The following AGBL4 variants were observed in gnomAD, a reference collection of about 807,000 sequenced individuals.
AGBL4 encodes AGBL carboxypeptidase 4.
Under a neutral mutation model 66.4 loss-of-function variants are expected in AGBL4, and 58 were observed. The observed-to-expected ratio is 0.87, with a 90% CI of 0.71 to 1.09. The LOEUF (loss-of-function observed/expected upper bound fraction) is 1.09, where lower values mean the gene tolerates loss of function less well. Among genes scored for constraint, AGBL4 ranks in the 50% least tolerant of loss-of-function variants. The pLI is 0.00. For synonymous variants in AGBL4, 234 were observed against 222.9 expected (o/e 1.05, Z -0.44); for missense variants, 579 against 631.0 (o/e 0.92, Z 0.88).
At chr1:48,599,041 A>G (rs965181696) in intron 9 of AGBL4, among the ~76,000 whole-genome samples, 1 of 151,976 alleles carries the variant, frequency 6.6e-6, no homozygotes, top group African/African-American at 2.4e-5. Context: ...AAACACAAAC[A>G]TGAGCCGAGA....
At chr1:49,125,650 A>G (rs1297249992) in intron 4 of AGBL4, among the ~76,000 whole-genome samples, 1 of 152,206 alleles carries the variant, frequency 6.6e-6, no homozygotes, top group Non-Finnish European at 1.5e-5. Context: ...CTGATTGTAC[A>G]TTATAGATTA....
intron 5 of AGBL4, among the ~76,000 whole-genome samples, chr1:48,875,049 G>A (rs1238685783): frequency 6.6e-6 from 1 of 152,144 alleles, no homozygotes; most frequent in Non-Finnish European, 1.5e-5. Context: ...TGAAGCATTT[G>A]CTATGTATGT....
chr1:49,052,828 T>TG (rs1262968304), intron 4 of AGBL4, among the ~76,000 whole-genome samples: 1 of 152,164 alleles, frequency 6.6e-6, no homozygotes, highest in African/African-American at 2.4e-5. Context: ...AGTCAGTCAG[T>TG]GCTGGGTTTT....
At chr1:48,923,001 A>G (rs1654221424) in intron 5 of AGBL4, among the ~76,000 whole-genome samples, 1 of 151,292 alleles carries the variant, frequency 6.6e-6, no homozygotes, top group South Asian at 2.1e-4. Flanking sequence ...CTTTGCATTT[A>G]AGGATAATAT....
chr1:48,569,449 G>C (rs1002020128), intron 11 of AGBL4, among the ~76,000 whole-genome samples: 1 of 152,196 alleles, frequency 6.6e-6, no homozygotes, highest in Non-Finnish European at 1.5e-5. Context: ...TACACAGGCT[G>C]TTTCTGGTAG....
intron 4 of AGBL4, among the ~76,000 whole-genome samples, chr1:49,119,865 G>C (rs1645614726): frequency 6.6e-6 from 1 of 152,178 alleles, no homozygotes; most frequent in Admixed American, 6.5e-5. Context: ...GGGTGCTCCT[G>C]TATTGGGTGC....
chr1:49,069,622 T>G (rs1644559924), intron 4 of AGBL4, among the ~76,000 whole-genome samples: 1 of 152,056 alleles, frequency 6.6e-6, no homozygotes, highest in East Asian at 1.9e-4. Context: ...CTATGCTGTT[T>G]TGGTTACTGT....
chr1:49,215,169 C>A (rs888277935), intron 4 of AGBL4, among the ~76,000 whole-genome samples: 4 of 152,060 alleles, frequency 2.6e-5, no homozygotes, highest in African/African-American at 9.7e-5. Flanking sequence ...ACTAGACAGA[C>A]AAAAATAATA....
At chr1:49,799,538 C>T (rs1374432995) in intron 2 of AGBL4, among the ~76,000 whole-genome samples, 1 of 151,908 alleles carries the variant, frequency 6.6e-6, no homozygotes, top group African/African-American at 2.4e-5. Flanking sequence ...GAGCTTTTAA[C>T]AGTTGTTTAT....
intron 11 of AGBL4, chr1:48,586,160 C>T (rs1188666870): frequency 6.6e-6 from 1 of 152,162 alleles, no homozygotes; most frequent in African/African-American, 2.4e-5. Context: ...AATCAACACT[C>T]GGGAAACTAG....
chr1:49,465,831 C>T (rs1207852259), intron 3 of AGBL4, among the ~76,000 whole-genome samples: 4 of 151,686 alleles, frequency 2.6e-5, no homozygotes, highest in African/African-American at 9.7e-5. Flanking sequence ...ATGTTTATTC[C>T]CCTCAAAACA....
intron 5 of AGBL4, among the ~76,000 whole-genome samples, chr1:48,940,214 C>T (rs962791843): frequency 2.0e-5 from 3 of 152,112 alleles, no homozygotes; most frequent in Admixed American, 6.5e-5. Flanking sequence ...CTCTTCTCTA[C>T]TAAAAATACA....
chr1:48,643,469 C>A (rs1645789627), intron 8 of AGBL4, among the ~76,000 whole-genome samples: 1 of 152,144 alleles, frequency 6.6e-6, no homozygotes, highest in East Asian at 1.9e-4. Context: ...AGGACTCAAG[C>A]AGTAAGACTC....
chr1:49,564,019 C>T (rs1039308617), intron 3 of AGBL4, among the ~76,000 whole-genome samples: 11 of 152,116 alleles, frequency 7.2e-5, no homozygotes, highest in Admixed American at 3.3e-4. Context: ...GATTCAACTT[C>T]TTCCTGGTTT....
chr1:49,147,049 G>A (rs924393377), intron 4 of AGBL4, among the ~76,000 whole-genome samples: 15 of 152,326 alleles, frequency 9.8e-5, no homozygotes, highest in African/African-American at 3.6e-4. Flanking sequence ...CAGGCTCAGT[G>A]AGGGAGGCGA....
chr1:48,548,956 C>T (rs1644208862), intron 11 of AGBL4, among the ~76,000 whole-genome samples: 1 of 152,138 alleles, frequency 6.6e-6, no homozygotes, highest in Non-Finnish European at 1.5e-5. Context: ...GTTCTAGGAG[C>T]TAGGATACAA....
chr1:49,616,581 T>A (rs1049822189), intron 3 of AGBL4, among the ~76,000 whole-genome samples: 2 of 152,202 alleles, frequency 1.3e-5, no homozygotes, highest in Non-Finnish European at 2.9e-5. Flanking sequence ...TTCCAATTTA[T>A]AACTCAGCTC....
At chr1:49,636,645 A>G (rs1308644408) in intron 3 of AGBL4, among the ~76,000 whole-genome samples, 4 of 152,238 alleles carry the variant, frequency 2.6e-5, no homozygotes, top group Non-Finnish European at 4.4e-5. Context: ...GTATGATTAC[A>G]TTTATATGAA....
chr1:49,982,693 A>G (rs1029671537), intron 1 of AGBL4, among the ~76,000 whole-genome samples: 1 of 152,098 alleles, frequency 6.6e-6, no homozygotes, highest in African/African-American at 2.4e-5. Flanking sequence ...CCGCCCATGA[A>G]CCAATCAACA....
Sources: allele counts gnomAD v4.1 joint callset (sites outside exome capture counted in the v4.1 genomes callset), GRCh38; gene constraint gnomAD v4.1.1; transcripts MANE v1.5; gene names NCBI Gene and HGNC (gene_info 2026-07-23, HGNC 2026-07-21).